The following SYNPO2L variants were observed in gnomAD, a reference collection of about 807,000 sequenced individuals.
SYNPO2L encodes the protein synaptopodin 2 like, also known as synaptopodin 2-like protein.
In SYNPO2L, 34 loss-of-function variants were observed where a neutral mutation model predicts 47.5. The observed-to-expected ratio is 0.72, with a 90% CI of 0.54 to 0.95. The LOEUF (loss-of-function observed/expected upper bound fraction) is 0.95, where lower values mean the gene tolerates loss of function less well. Ranked by LOEUF, SYNPO2L falls within the 40% of genes least tolerant of loss-of-function variation. The pLI is 0.00. For missense variants in SYNPO2L, 1,246 were observed against 1,282.0 expected (o/e 0.97, Z 0.43); for synonymous variants, 536 against 524.9 (o/e 1.02, Z -0.29).
At position 73,648,299 on chromosome 10, in the gene SYNPO2L, T is replaced by G; in HGVS notation, c.1353A>C (p.Gln451His). ...CTGGGGTCGGGGCTCCACCACCTGG[T>G]TGGAAGGGTCTGGGGCTGGCTACAG... is the stretch of plus-strand genomic sequence containing the variant. ...PAPVASPRPF[Q>H]PGGGAPTPAP... Residue 451 changes from glutamine to histidine, a missense_variant, in exon 4 of 4, where the codon CAA becomes CAC. Coordinates refer to ENST00000394810, the MANE Select transcript of SYNPO2L (RefSeq NM_001114133.3). 1 of 1,603,736 alleles carries G rather than the reference T, an allele frequency of 6.2e-7. No homozygotes were observed. The highest frequency in any genetic ancestry group is 8.5e-7 in the Non-Finnish European group (1 of 1,179,350).
In SYNPO2L at chr10:73,651,407, C is replaced by T. The variant is rs537359773; in HGVS notation, c.772+1732G>A. 1.6e-3 allele frequency among the ~76,000 whole-genome samples: 236 copies of T among 152,194 alleles called. 1 individual carries two copies. The highest frequency in any genetic ancestry group is 2.8e-3 in the Admixed American group (42 of 15,270). On this transcript the variant is annotated intron_variant, in intron 3 of 3. Transcript: ENST00000394810. ...GACTCTCAACTCTCATGTCCTTAGC[C>T]TCCACTCCAAACTGAGAGACACAAA...
At chr10:73,655,664 A>G (rs986665231) in intron 1 of SYNPO2L, among the ~76,000 whole-genome samples, 154 bp downstream of exon 1, 5 of 151,766 alleles carry the variant, frequency 3.3e-5, no homozygotes, top group Admixed American at 3.3e-4. Flanking sequence ...CGCTACTCCC[A>G]CTATGAGACT....
chr10:73,651,111 C>A, intron 3 of SYNPO2L: 1 of 1,413,372 alleles, frequency 7.1e-7, no homozygotes, highest in South Asian at 1.6e-5. Context: ...TGAATGAGCT[C>A]ACTGTGCTAT....
At chr10:73,653,805 T>G (rs950793734) in intron 2 of SYNPO2L, among the ~76,000 whole-genome samples, 152 bp from the exon 3 acceptor site, 2 of 149,526 alleles carry the variant, frequency 1.3e-5, no homozygotes, top group Admixed American at 6.7e-5. Flanking sequence ...CCGGGAAGAG[T>G]GGAGATATGA....
Position 73,645,645 on chromosome 10 carries a change from A to C in SYNPO2L, c.*1073T>G, listed in dbSNP as rs1014099372. ...CTAGCTGGTATAACTCAGCCCATGC[A>C]AACTGTCCTGGCCCTTCAGTCTTTT... On this transcript the variant is annotated 3_prime_UTR_variant, in exon 4 of 4. Transcript: ENST00000394810. 1 of 986,008 alleles carries C rather than the reference A, an allele frequency of 1.0e-6. No individual in the cohort carries two copies. Among genetic ancestry groups the C allele is most frequent in the Non-Finnish European group, 1.2e-6 (1 of 830,212 alleles). 61.1% of individuals were successfully genotyped at this position (986,008 alleles called of 1,614,324 possible).
chr10:73,648,528 C>A lies in SYNPO2L; in HGVS notation c.1124G>T (p.Gly375Val). 1.9e-6 allele frequency: 3 copies of A among 1,614,126 alleles called. No individual in the cohort carries two copies. Among genetic ancestry groups the A allele is most frequent in the Non-Finnish European group, 1.7e-6 (2 of 1,180,004 alleles). ...GACCTCACTCAGCTGCCCTCCCAGC[C>A]CAGAGCCCTGGCCCTCTGATGCTCT... ...GSRASEGQGSGLGGQLSEVSG... is the reference protein window; with the variant it reads ...GSRASEGQGSVLGGQLSEVSG... Residue 375 changes from glycine to valine, a missense_variant, in exon 4 of 4, where the codon GGG becomes GTG. This residue lies in a region of SYNPO2L where 1,037 missense variants were observed against 1,021.5 expected (regional missense o/e 1.02). Coordinates refer to ENST00000394810, the MANE Select transcript of SYNPO2L (RefSeq NM_001114133.3).
In SYNPO2L at chr10:73,647,263, G is replaced by C. The variant is rs148367718; in HGVS notation, c.2389C>G (p.Pro797Ala). The C allele has an allele frequency of 6.2e-5, 100 of 1,614,088 alleles. No individual in the cohort carries two copies. Among genetic ancestry groups the C allele is most frequent in the Middle Eastern group, 3.3e-4 (2 of 6,062 alleles). ...ATGTTGGGTGAATATTTCCAGGAAG[G>C]GGGCAGAGACGGGGTAGGAGAAGGA... ...RSPSPTPSLP[P>A]SWKYSPNIRA... is the part of the protein sequence containing the mutation. The change falls in exon 4 of 4, where the codon CCT becomes GCT. Residue 797 changes from proline to alanine, a missense_variant. Physicochemically the swap from Pro to Ala is conservative, Grantham distance 27. Coordinates refer to ENST00000394810, the MANE Select transcript of SYNPO2L (RefSeq NM_001114133.3).
chr10:73,647,899 A>T lies in SYNPO2L; in HGVS notation c.1753T>A (p.Ser585Thr), dbSNP rs1298809979. 6.5e-7 allele frequency: 1 copy of T among 1,529,688 alleles called. No individual in the cohort carries two copies. Among genetic ancestry groups the T allele is most frequent in the Non-Finnish European group, 8.8e-7 (1 of 1,142,058 alleles). 94.8% of individuals were successfully genotyped at this position (1,529,688 alleles called of 1,614,324 possible). ...CGCGCAGAGGGTCGCAAAGGCGCAG[A>T]TAGGAAGATAGAAGCGGTGGAGGTC... ...AMTSTASIFL[S>T]APLRPSARPE... Residue 585 changes from serine (S) to threonine (T), a missense_variant, in exon 4 of 4, where the codon TCT becomes ACT. By Grantham distance (58) the Ser-to-Thr change is moderately conservative. Transcript: ENST00000394810.
At position 73,647,188 on chromosome 10, in the gene SYNPO2L, G is replaced by A. The variant is rs766248891; in HGVS notation, c.2464C>T (p.Pro822Ser). 6 of 1,613,840 alleles carry A rather than the reference G, an allele frequency of 3.7e-6. No homozygotes were observed. The highest frequency in any genetic ancestry group is 3.3e-4 in the Middle Eastern group (2 of 6,060). ...TTAGGGAGAGTTCGGGCCGCCTGGG[G>A]GAAAAAGGGAGAGAGCAGTGGGTTG... ...AYNPLLSPFF[P>S]QAARTLPKAQ... The change falls in exon 4 of 4, where the codon CCC becomes TCC. Residue 822 changes from proline to serine, a missense_variant. Physicochemically the swap from Pro to Ser is moderately conservative, Grantham distance 74. Transcript: ENST00000394810.
In SYNPO2L at chr10:73,645,032, A is replaced by G; in HGVS notation, c.*1686T>C. 1 of 1,267,332 alleles carries G rather than the reference A, an allele frequency of 7.9e-7. No homozygotes were observed. Among genetic ancestry groups the G allele is most frequent in the East Asian group, 6.9e-5 (1 of 14,586 alleles). 78.5% of individuals were successfully genotyped at this position (1,267,332 alleles called of 1,614,324 possible). On this transcript the variant is annotated 3_prime_UTR_variant, in exon 4 of 4. Transcript: ENST00000394810. ...AAGGGAGTCCATACTAAGATTGGAG[A>G]TCAGGACCTGAAGCTGAAAAGAAGC...
chr10:73,649,718 C>T (rs1188959928), intron 3 of SYNPO2L: 1 of 985,298 alleles, frequency 1.0e-6, no homozygotes, highest in Admixed American at 6.1e-5. Context: ...CCTGCAGAGA[C>T]CCTGTTACTA....
At chr10:73,650,197 C>T (rs961721669) in intron 3 of SYNPO2L, 2 of 985,336 alleles carry the variant, frequency 2.0e-6, no homozygotes, top group African/African-American at 3.5e-5. Flanking sequence ...CTACTTTCCA[C>T]TCAAGGTACC....
At chr10:73,649,353 C>T (rs531408601) in intron 3 of SYNPO2L, among the ~76,000 whole-genome samples, 3 of 152,276 alleles carry the variant, frequency 2.0e-5, no homozygotes, top group East Asian at 1.9e-4. Context: ...TCTCATGAAG[C>T]TTAGGACTCA....
rs1157739728 is a variant in SYNPO2L at position 73,645,677 on chromosome 10, C to T, written c.*1041G>A. ...CCTGGCCCTTCAGTCTTTTCATGCT[C>T]CATAACTTTCACAAGATGCTGTACA... On this transcript the variant is annotated 3_prime_UTR_variant, in exon 4 of 4. Coordinates refer to ENST00000394810, the MANE Select transcript of SYNPO2L (RefSeq NM_001114133.3). 1 of 985,898 alleles carries T rather than the reference C, an allele frequency of 1.0e-6. No homozygotes were observed. The highest frequency in any genetic ancestry group is 1.7e-5 in the African/African-American group (1 of 57,216). 61.1% of individuals were successfully genotyped at this position (985,898 alleles called of 1,614,324 possible). A position where few individuals can be genotyped will look rare whatever the true frequency, so the allele number is the denominator to read the frequency against.
chr10:73,653,113 T>C (rs1469526150), intron 3 of SYNPO2L, 26 bp downstream of exon 3: 7 of 1,440,524 alleles, frequency 4.9e-6, no homozygotes. Context: ...GGATCCTGGC[T>C]GGGGAAAAGG....
At chr10:73,650,742 G>T (rs2081834661) in intron 3 of SYNPO2L, 1 of 985,278 alleles carries the variant, frequency 1.0e-6, no homozygotes, top group Admixed American at 6.1e-5. Context: ...TGTGACCACA[G>T]CATCACTGAG....
intron 3 of SYNPO2L, chr10:73,650,096 G>A: frequency 1.2e-5 from 12 of 985,368 alleles, no homozygotes; most frequent in Non-Finnish European, 1.3e-5. Context: ...GGAAATGGGA[G>A]GGCTACCCTG....
chr10:73,652,038 G>T (rs1446578891), intron 3 of SYNPO2L, among the ~76,000 whole-genome samples: 1 of 115,228 alleles, frequency 8.7e-6, no homozygotes. Context: ...TTGCACTCCA[G>T]CCCGGGTGAC....
chr10:73,647,408 G>C lies in SYNPO2L; in HGVS notation c.2244C>G (p.Ile748Met). The C allele has an allele frequency of 1.2e-6, 2 of 1,613,262 alleles. No homozygotes were observed. Among genetic ancestry groups the C allele is most frequent in the Non-Finnish European group, 1.7e-6 (2 of 1,179,468 alleles). Residue 748 changes from isoleucine (I) to methionine (M), a missense_variant, in exon 4 of 4, where the codon ATC becomes ATG. Ile to Met is a conservative substitution (Grantham distance 10, BLOSUM62 1). Around this residue, in one of 3 missense-constraint regions of SYNPO2L, gnomAD observed 1,037 missense variants for 1,021.5 expected, o/e 1.02. Transcript: ENST00000394810. ...LVNGAASSAG[I>M]PEPPRLQGRG... ...TGCCCTGCAGCCTTGGTGGCTCAGG[G>C]ATTCCAGCCGAAGAGGCTGCCCCAT... is the stretch of plus-strand genomic sequence containing the variant.
Sources: allele counts gnomAD v4.1 joint callset (sites outside exome capture counted in the v4.1 genomes callset), GRCh38; gene constraint gnomAD v4.1.1; regional missense constraint gnomAD v4.1.1; transcripts MANE v1.5; gene names NCBI Gene and HGNC (gene_info 2026-07-23, HGNC 2026-07-21).